Variants in RCOR1 observed in about 807,000 individuals in gnomAD.
RCOR1 encodes the protein REST corepressor 1, also known as REST corepressor.
Under a neutral mutation model 64.0 loss-of-function variants are expected in RCOR1, and 12 were observed. The ratio of observed to expected loss-of-function variants is 0.19; its 90% CI spans 0.12 to 0.30. RCOR1 has a LOEUF of 0.30. Among genes scored for constraint, RCOR1 ranks in the 10% least tolerant of loss-of-function variants. The pLI is 1.00. For missense variants in RCOR1, 502 were observed against 621.2 expected, an observed-to-expected ratio of 0.81 and a Z score of 2.04; for synonymous variants, 279 against 227.2, an observed-to-expected ratio of 1.23 and a Z score of -2.05.
chr14:102,602,913 C>T (rs2139881878), intron 2 of RCOR1, among the ~76,000 whole-genome samples: 1 of 152,114 alleles, frequency 6.6e-6, no homozygotes, highest in South Asian at 2.1e-4. Flanking sequence ...GCCAAGTTGC[C>T]CAGACTGGTC....
intron 2 of RCOR1, among the ~76,000 whole-genome samples, chr14:102,639,886 C>T (rs934858861): frequency 9.5e-5 from 14 of 147,344 alleles, no homozygotes; most frequent in African/African-American, 3.5e-4. Context: ...CTCGCTCTGT[C>T]CCCAGGCTGG....
chr14:102,614,210 T>G (rs1463013949), intron 2 of RCOR1, among the ~76,000 whole-genome samples: 1 of 146,900 alleles, frequency 6.8e-6, no homozygotes, highest in African/African-American at 2.5e-5. Flanking sequence ...TTTAAGATTT[T>G]TAAACATCTG....
In RCOR1 at chr14:102,722,178, C is replaced by G; in HGVS notation, c.1190-9C>G. On this transcript the variant is annotated splice_polypyrimidine_tract_variant and intron_variant, in intron 10 of 11. Coordinates refer to ENST00000262241, the MANE Select transcript of RCOR1 (RefSeq NM_015156.4). ...TTGTATTTTAAAAAATGCTTTCTTA[C>G]ATCCTTAGCCATCAGGAAATATGGC... is the stretch of plus-strand genomic sequence containing the variant. The G allele has an allele frequency of 6.2e-7, 1 of 1,604,236 alleles. No homozygotes were observed. Among genetic ancestry groups the G allele is most frequent in the Non-Finnish European group, 8.5e-7 (1 of 1,171,506 alleles).
intron 3 of RCOR1, among the ~76,000 whole-genome samples, chr14:102,692,709 T>TCTCC (rs34192544): frequency 9.8e-6 from 1 of 101,694 alleles, no homozygotes; most frequent in Non-Finnish European, 2.0e-5. Flanking sequence ...CAACTACATC[T>TCTCC]CTCCTTCCTT....
At chr14:102,615,447 CTT>C (rs560136180) in intron 2 of RCOR1, among the ~76,000 whole-genome samples, 21 of 131,854 alleles carry the variant, frequency 1.6e-4, no homozygotes, top group East Asian at 2.2e-4. Context: ...CTGCATAATT[CTT>C]TTTTTTTTTT....
At chr14:102,634,508 G>C (rs952249273) in intron 2 of RCOR1, among the ~76,000 whole-genome samples, 9 of 151,954 alleles carry the variant, frequency 5.9e-5, no homozygotes, top group Non-Finnish European at 1.2e-4. Flanking sequence ...CCACTATCTA[G>C]GGACAGAAGG....
At chr14:102,663,645 T>C (rs1219163131) in intron 2 of RCOR1, among the ~76,000 whole-genome samples, 1 of 152,076 alleles carries the variant, frequency 6.6e-6, no homozygotes, top group African/African-American at 2.4e-5. Context: ...GATTGCTTGG[T>C]GGTGAAATAT....
intron 3 of RCOR1, among the ~76,000 whole-genome samples, chr14:102,685,947 G>A (rs1188979422): frequency 6.6e-6 from 1 of 151,966 alleles, no homozygotes; most frequent in Non-Finnish European, 1.5e-5. Context: ...GGGAGGCGGG[G>A]GCTAGAAGAG....
chr14:102,618,527 G>C (rs565787303), intron 2 of RCOR1, among the ~76,000 whole-genome samples: 28 of 152,082 alleles, frequency 1.8e-4, no homozygotes, highest in Non-Finnish European at 4.1e-4. Flanking sequence ...AGGATCGCTT[G>C]AGCCCAGGAA....
intron 3 of RCOR1, among the ~76,000 whole-genome samples, chr14:102,696,989 G>A (rs1895664901): frequency 6.6e-6 from 1 of 152,034 alleles, no homozygotes; most frequent in Admixed American, 6.6e-5. Context: ...AAGGAACAGG[G>A]TAGGTGGTGG....
At position 102,722,186 on chromosome 14, in the gene RCOR1, G is replaced by T. The variant is rs1262629553; in HGVS notation, c.1190-1G>T. ...TAAAAAATGCTTTCTTACATCCTTAGCCATCAGGAAATATGGCCGAGATTT... is the reference window on the plus strand; with the variant it reads ...TAAAAAATGCTTTCTTACATCCTTATCCATCAGGAAATATGGCCGAGATTT... On this transcript the variant is annotated splice_acceptor_variant, in intron 10 of 11. Transcript: ENST00000262241. LOFTEE classifies it high-confidence loss of function. The T allele has an allele frequency of 1.2e-6, 2 of 1,611,126 alleles. No homozygotes were observed. Among genetic ancestry groups the T allele is most frequent in the Non-Finnish European group, 1.7e-6 (2 of 1,177,478 alleles).
intron 3 of RCOR1, among the ~76,000 whole-genome samples, chr14:102,691,215 A>G (rs1019435484): frequency 5.3e-5 from 8 of 152,186 alleles, no homozygotes; most frequent in African/African-American, 1.9e-4. Context: ...GTGTGCTTAA[A>G]CAAATACCAC....
intron 2 of RCOR1, among the ~76,000 whole-genome samples, chr14:102,624,622 C>G (rs1893944547): frequency 6.6e-6 from 1 of 152,006 alleles, no homozygotes; most frequent in Non-Finnish European, 1.5e-5. Context: ...AAAAATTAGC[C>G]AGGTGTGATG....
chr14:102,677,241 G>A (rs76879225), intron 2 of RCOR1, among the ~76,000 whole-genome samples: 2 of 128,786 alleles, frequency 1.6e-5, no homozygotes, highest in African/African-American at 6.4e-5. Context: ...GGACGGGGTG[G>A]CTGGCCGGGC....
chr14:102,687,488 A>G (rs750448703), intron 3 of RCOR1, among the ~76,000 whole-genome samples: 2 of 152,252 alleles, frequency 1.3e-5, no homozygotes, highest in Non-Finnish European at 1.5e-5. Context: ...AATGAGAGAT[A>G]TAACTTATGG....
At chr14:102,684,338 C>G (rs1199178941) in intron 3 of RCOR1, among the ~76,000 whole-genome samples, 1 of 152,112 alleles carries the variant, frequency 6.6e-6, no homozygotes, top group Non-Finnish European at 1.5e-5. Context: ...ACATACCTTT[C>G]AGGGAAATCG....
chr14:102,603,064 A>G (rs557170723), intron 2 of RCOR1, among the ~76,000 whole-genome samples: 8 of 151,710 alleles, frequency 5.3e-5, no homozygotes, highest in African/African-American at 1.9e-4. Context: ...TTTAATTTTT[A>G]ATTTTTTTAA....
At chr14:102,703,973 T>C (rs1309737617) in intron 4 of RCOR1, among the ~76,000 whole-genome samples, 1 of 152,246 alleles carries the variant, frequency 6.6e-6, no homozygotes, top group East Asian at 1.9e-4. Context: ...TGGGAACTCA[T>C]GGCTCCCATT....
intron 11 of RCOR1, among the ~76,000 whole-genome samples, chr14:102,723,515 A>G (rs1487443255): frequency 6.6e-6 from 1 of 152,242 alleles, no homozygotes. Flanking sequence ...GAAAATCTTT[A>G]TAATAAGTGT....
Sources: gnomAD v4.1 joint callset for allele counts (sites outside exome capture counted in the v4.1 genomes callset) on GRCh38, gnomAD v4.1.1 for gene constraint, MANE v1.5 for transcripts, NCBI Gene and HGNC (gene_info 2026-07-23, HGNC 2026-07-21) for gene names.